Variants in MTHFD2L observed in about 807,000 individuals in gnomAD.
MTHFD2L encodes methylenetetrahydrofolate dehydrogenase (NADP+ dependent) 2 like.
MTHFD2L carries 29 observed loss-of-function variants against 34.9 expected under a neutral mutation model. The observed-to-expected ratio is 0.83, with a 90% CI of 0.62 to 1.13. The LOEUF (loss-of-function observed/expected upper bound fraction) is 1.13, where lower values mean the gene tolerates loss of function less well. MTHFD2L is among the 50% of genes most tolerant of loss of function. The pLI is 0.00. For synonymous variants in MTHFD2L, 167 were observed against 155.7 expected, an observed-to-expected ratio of 1.07 and a Z score of -0.54; for missense variants, 481 against 446.5, an observed-to-expected ratio of 1.08 and a Z score of -0.70.
At chr4:74,161,162 C>A (rs1725374185) in intron 1 of MTHFD2L, 1 of 152,082 alleles carries the variant, frequency 6.6e-6, no homozygotes, top group Admixed American at 6.5e-5. Flanking sequence ...TGCAGCTAGA[C>A]CACATTTTAA....
intron 5 of MTHFD2L, among the ~76,000 whole-genome samples, chr4:74,221,187 A>C (rs1002193028): frequency 3.4e-5 from 5 of 147,786 alleles, no homozygotes; most frequent in African/African-American, 1.3e-4. Context: ...ATTATAGTCT[A>C]TCTAATTATT....
chr4:74,208,460 G>A (rs1735731037), intron 5 of MTHFD2L, among the ~76,000 whole-genome samples: 1 of 152,158 alleles, frequency 6.6e-6, no homozygotes, highest in Non-Finnish European at 1.5e-5. Flanking sequence ...TTTAAATGGA[G>A]AGTGAAGTCC....
chr4:74,119,627 CA>C (rs1284054985), upstream of MTHFD2L, among the ~76,000 whole-genome samples: 1 of 151,848 alleles, frequency 6.6e-6, no homozygotes, highest in African/African-American at 2.4e-5. Flanking sequence ...ACTAAAAATA[CA>C]AAAAATTAGC....
intron 6 of MTHFD2L, among the ~76,000 whole-genome samples, chr4:74,264,815 A>G (rs1254578077): frequency 6.6e-6 from 1 of 152,008 alleles, no homozygotes; most frequent in Non-Finnish European, 1.5e-5. Context: ...ATTTGTTTCT[A>G]TACCTTAATA....
At chr4:74,134,390 G>A (rs1166263627) in intron 1 of MTHFD2L, among the ~76,000 whole-genome samples, 1 of 152,128 alleles carries the variant, frequency 6.6e-6, no homozygotes, top group African/African-American at 2.4e-5. Flanking sequence ...TATGGGACAG[G>A]CAGTGCCATG....
chr4:74,258,066 GAA>G (rs369900298), intron 6 of MTHFD2L, among the ~76,000 whole-genome samples: 1 of 147,052 alleles, frequency 6.8e-6, no homozygotes, highest in African/African-American at 2.5e-5. Context: ...GGCTATGCTG[GAA>G]AAAAAAAAGG....
intron 5 of MTHFD2L, among the ~76,000 whole-genome samples, chr4:74,203,592 A>T (rs1488013915): frequency 6.6e-6 from 1 of 152,172 alleles, no homozygotes; most frequent in African/African-American, 2.4e-5. Flanking sequence ...TGGAGCCAGC[A>T]TTTCTCATGG....
intron 6 of MTHFD2L, among the ~76,000 whole-genome samples, chr4:74,246,962 C>T (rs1350049958): frequency 6.6e-6 from 1 of 151,898 alleles, no homozygotes; most frequent in Non-Finnish European, 1.5e-5. Context: ...GGCGATGCGG[C>T]CTCTTTTTTG....
intron 6 of MTHFD2L, among the ~76,000 whole-genome samples, chr4:74,233,059 A>G (rs1019967618): frequency 6.6e-6 from 1 of 152,206 alleles, no homozygotes; most frequent in Non-Finnish European, 1.5e-5. Context: ...CTAAAAACAA[A>G]TGAACATTTA....
intron 1 of MTHFD2L, among the ~76,000 whole-genome samples, chr4:74,163,114 T>G (rs957147432): frequency 6.6e-6 from 1 of 152,148 alleles, no homozygotes; most frequent in Admixed American, 6.5e-5. Context: ...AACAAATACA[T>G]AATATCATCA....
In MTHFD2L at chr4:74,173,472, A is replaced by C. The variant is rs560771281; in HGVS notation, c.144-1034A>C. On this transcript the variant is annotated intron_variant, in intron 1 of 7. Transcript: ENST00000325278. ...GTTTACTGACCTGATCCCCACCATA[A>C]TCAGTGACAAGCATGGCAAGACTCA... Among the ~76,000 whole-genome samples the C allele has an allele frequency of 1.7e-3, 254 of 152,258 alleles. 2 individuals are homozygous for C. The highest frequency in any genetic ancestry group is 3.4e-3 in the Middle Eastern group (1 of 294).
At chr4:74,238,361 G>T (rs1166449120) in intron 6 of MTHFD2L, among the ~76,000 whole-genome samples, 1 of 152,102 alleles carries the variant, frequency 6.6e-6, no homozygotes, top group Non-Finnish European at 1.5e-5. Context: ...TGTAGTTAAA[G>T]ACATAAATGT....
At chr4:74,213,799 GT>G (rs899011587) in intron 5 of MTHFD2L, among the ~76,000 whole-genome samples, 18 of 152,268 alleles carry the variant, frequency 1.2e-4, no homozygotes, top group South Asian at 8.3e-4. Context: ...CCTGAAGAGT[GT>G]TTTCCAACTT....
rs144825691 is a variant in MTHFD2L, at chr4:74,281,443, C to T, written c.824C>T (p.Thr275Met). The change falls in exon 7 of 8, where the codon ACG becomes ATG. Residue 275 changes from threonine to methionine, a missense_variant. Thr to Met is a moderately conservative substitution (Grantham distance 81). Transcript: ENST00000325278. ...TTTTCAGGTATTCCAAAGTTGATTA[C>T]GTCTGATATGGTTAAAGAAGGTGCT... Reference protein sequence around the residue: ...IVAAGIPKLITSDMVKEGAAV... With the variant: ...IVAAGIPKLIMSDMVKEGAAV... 2.4e-4 allele frequency: 384 copies of T among 1,610,504 alleles called. No homozygotes were observed. The highest frequency in any genetic ancestry group is 2.2e-3 in the African/African-American group (166 of 74,602).
chr4:74,291,251 G>A (rs777246394), intron 7 of MTHFD2L, among the ~76,000 whole-genome samples: 4 of 151,468 alleles, frequency 2.6e-5, no homozygotes, highest in Non-Finnish European at 4.4e-5. Context: ...TCCTGACCTC[G>A]TGATTTGCCC....
At chr4:74,173,934 A>G (rs971829551) in intron 1 of MTHFD2L, among the ~76,000 whole-genome samples, 8 of 152,180 alleles carry the variant, frequency 5.3e-5, no homozygotes, top group African/African-American at 1.9e-4. Context: ...ATCTTAGTCT[A>G]TTTGAGCTGC....
chr4:74,172,065 A>G (rs995547817), intron 1 of MTHFD2L, among the ~76,000 whole-genome samples: 1 of 152,206 alleles, frequency 6.6e-6, no homozygotes, highest in African/African-American at 2.4e-5. Flanking sequence ...GCTGGCCAAA[A>G]AAGAGTATGT....
At chr4:74,235,696 A>G (rs1740736308) in intron 6 of MTHFD2L, among the ~76,000 whole-genome samples, 1 of 152,150 alleles carries the variant, frequency 6.6e-6, no homozygotes, top group Admixed American at 6.6e-5. Flanking sequence ...TGATATGGTT[A>G]CTTCTATAAC....
chr4:74,233,661 C>T (rs1040855587), intron 6 of MTHFD2L, among the ~76,000 whole-genome samples: 2 of 152,018 alleles, frequency 1.3e-5, no homozygotes, highest in African/African-American at 4.8e-5. Context: ...ATAGACTGTA[C>T]AAAAACATGT....
Sources: gnomAD v4.1 joint callset for allele counts (sites outside exome capture counted in the v4.1 genomes callset) on GRCh38, gnomAD v4.1.1 for gene constraint, MANE v1.5 for transcripts, NCBI Gene and HGNC (gene_info 2026-07-23, HGNC 2026-07-21) for gene names.